The following HMCN1 variants were observed in gnomAD, a reference collection of about 807,000 sequenced individuals.
HMCN1 encodes the protein hemicentin 1, also known as hemicentin-1.
Under a neutral mutation model 625.9 loss-of-function variants are expected in HMCN1, and 321 were observed. The observed-to-expected ratio is 0.51, with a 90% CI of 0.47 to 0.56. The LOEUF is 0.56. Ranked by LOEUF, HMCN1 falls within the 20% of genes least tolerant of loss-of-function variation. The probability of loss-of-function intolerance (pLI) is 0.00; values close to 1 mark genes in which losing one functional copy is unlikely to be tolerated. For synonymous variants in HMCN1, 2,425 were observed against 2,417.6 expected (o/e 1.00, Z -0.09); for missense variants, 6,588 against 6,887.3 (o/e 0.96, Z 1.54).
intron 4 of HMCN1, among the ~76,000 whole-genome samples, chr1:185,902,247 T>G (rs1008576555): frequency 2.6e-5 from 4 of 151,550 alleles, no homozygotes; most frequent in African/African-American, 9.7e-5. Flanking sequence ...ATAAATTTTT[T>G]TTTTGTTTAG....
chr1:186,100,874 CT>C (rs1409163342), intron 68 of HMCN1, among the ~76,000 whole-genome samples: 1 of 152,124 alleles, frequency 6.6e-6, no homozygotes, highest in Admixed American at 6.6e-5. Flanking sequence ...CTGCTCACCC[CT>C]AGCATAACTA....
chr1:185,790,931 TA>T (rs1198897136), intron 1 of HMCN1, among the ~76,000 whole-genome samples: 2 of 152,236 alleles, frequency 1.3e-5, no homozygotes, highest in Non-Finnish European at 2.9e-5. Context: ...AAGCATACTT[TA>T]TTTCCATTAC....
chr1:186,038,115 C>G, intron 37 of HMCN1, 80 bp downstream of exon 37: 1 of 843,062 alleles, frequency 1.2e-6, no homozygotes, highest in Non-Finnish European at 2.1e-6. Flanking sequence ...GCATAATATA[C>G]TAATTACTAG....
intron 11 of HMCN1, among the ~76,000 whole-genome samples, chr1:185,948,931 T>C (rs1668495177): frequency 6.6e-6 from 1 of 151,024 alleles, no homozygotes; most frequent in African/African-American, 2.5e-5. Flanking sequence ...GGTGATATTG[T>C]GGGGTTGTTA....
chr1:185,989,749 G>T, intron 21 of HMCN1, 102 bp downstream of exon 21: 11 of 951,002 alleles, frequency 1.2e-5, no homozygotes, highest in Non-Finnish European at 1.4e-5. Flanking sequence ...TACCCCTAAA[G>T]TGAACTGCTC....
rs77662565 is a variant in HMCN1 at position 186,082,079 on chromosome 1, T to C, written c.8787+685T>C. On this transcript the variant is annotated intron_variant, in intron 56 of 106. Transcript: ENST00000271588. ...AATAACCTTAAATTTTCAAAGTATC[T>C]TCTAAATATTGTGACTATTTCTATG... Among the ~76,000 whole-genome samples, 655 of 152,330 alleles carry C rather than the reference T, an allele frequency of 4.3e-3. 5 individuals are homozygous for C. Among genetic ancestry groups the C allele is most frequent in the African/African-American group, 0.015 (639 of 41,588 alleles).
intron 55 of HMCN1, among the ~76,000 whole-genome samples, chr1:186,080,274 A>G (rs1050569218): frequency 6.6e-6 from 1 of 152,184 alleles, no homozygotes; most frequent in African/African-American, 2.4e-5. Context: ...AAACCCAGAT[A>G]CCACAAGATA....
At chr1:185,928,933 C>T (rs1191526563) in intron 10 of HMCN1, among the ~76,000 whole-genome samples, 1 of 151,964 alleles carries the variant, frequency 6.6e-6, no homozygotes, top group African/African-American at 2.4e-5. Context: ...CATGGGGAAA[C>T]TGTGAGGATT....
chr1:186,094,742 A>C (rs1203607172), intron 67 of HMCN1, among the ~76,000 whole-genome samples: 1 of 152,172 alleles, frequency 6.6e-6, no homozygotes, highest in Non-Finnish European at 1.5e-5. Context: ...GCATATATGC[A>C]TGTGTGTGTA....
At chr1:185,787,749 C>T (rs73062507) in intron 1 of HMCN1, among the ~76,000 whole-genome samples, 4,710 of 152,110 alleles carry the variant, frequency 0.031, 259 homozygotes, top group African/African-American at 0.11. Flanking sequence ...AACTAACATC[C>T]GTTGTGTAAT....
Position 186,119,734 on chromosome 1 carries a change from T to G in HMCN1, c.11957-11T>G, listed in dbSNP as rs1311247879. 6.2e-7 allele frequency: 1 copy of G among 1,613,224 alleles called. No individual in the cohort carries two copies. Among genetic ancestry groups the G allele is most frequent in the East Asian group, 2.2e-5 (1 of 44,858 alleles). On this transcript the variant is annotated splice_polypyrimidine_tract_variant and intron_variant, in intron 78 of 106. Coordinates refer to ENST00000271588, the MANE Select transcript of HMCN1 (RefSeq NM_031935.3). ...GCTATTACTTCTTTTTGTTGATTGG[T>G]TTTTTTATAGAGCCTCCAGTCATTC...
rs749571816 is a variant in HMCN1 at position 186,165,185 on chromosome 1, GATAA to G, written c.15319+18_15319+21del. The stretch of plus-strand genomic sequence containing the variant: ...ACCTTTTTGTGCTGGTAAGTACAGA[GATAA>G]ATAAAGGGTTTTCTTTTAATGAAAA... On this transcript the variant is annotated intron_variant, in intron 98 of 106. Transcript: ENST00000271588. 9.9e-6 allele frequency: 16 copies of G among 1,608,394 alleles called. No individual in the cohort carries two copies. Among genetic ancestry groups the G allele is most frequent in the East Asian group, 4.5e-5 (2 of 44,850 alleles).
intron 31 of HMCN1, 109 bp downstream of exon 31, chr1:186,015,546 A>G: frequency 5.8e-6 from 6 of 1,040,334 alleles, no homozygotes; most frequent in East Asian, 2.4e-5. Context: ...CTTTTTCAAT[A>G]TGCATGGATA....
intron 1 of HMCN1, among the ~76,000 whole-genome samples, chr1:185,838,647 C>G (rs1398655592): frequency 6.6e-6 from 1 of 151,882 alleles, no homozygotes; most frequent in African/African-American, 2.4e-5. Flanking sequence ...AAACACAAAT[C>G]CAAAAGAAAA....
chr1:186,114,636 C>T (rs1348206222), intron 73 of HMCN1, among the ~76,000 whole-genome samples, 183 bp from the exon 74 acceptor site: 1 of 152,116 alleles, frequency 6.6e-6, no homozygotes, highest in East Asian at 1.9e-4. Context: ...GATCACAAGC[C>T]CATCTGTTAT....
At position 186,082,960 on chromosome 1, in the gene HMCN1, T is replaced by C. The variant is rs778296701; in HGVS notation, c.8883T>C (p.His2961=). The stretch of plus-strand genomic sequence containing the variant: ...AAAAATATTTTAACCTCAATGTTCA[T>C]GGTAAGAGCTCAGTTCCAAAACCAT... ...SAKKYFNLNV[H]VPPSVIGPKS... is the part of the protein sequence containing the mutation. The change falls in exon 57 of 107, where the codon CAT becomes CAC. Residue 2961 remains histidine, a splice_region_variant and synonymous_variant. Coordinates refer to ENST00000271588, the MANE Select transcript of HMCN1 (RefSeq NM_031935.3). 1.9e-6 allele frequency: 3 copies of C among 1,573,378 alleles called. No homozygotes were observed. The highest frequency in any genetic ancestry group is 1.2e-5 in the South Asian group (1 of 86,192).
intron 1 of HMCN1, among the ~76,000 whole-genome samples, chr1:185,843,263 G>C (rs971466501): frequency 2.0e-5 from 3 of 152,120 alleles, no homozygotes; most frequent in African/African-American, 7.2e-5. Flanking sequence ...TAGAGAAAAG[G>C]CAAAACATTA....
intron 1 of HMCN1, among the ~76,000 whole-genome samples, chr1:185,793,302 C>T (rs1364320698): frequency 6.6e-6 from 1 of 152,132 alleles, no homozygotes; most frequent in Non-Finnish European, 1.5e-5. Flanking sequence ...AAATCCATGT[C>T]CTTGCCTTTC....
intron 41 of HMCN1, among the ~76,000 whole-genome samples, chr1:186,046,288 G>A (rs1656567473): frequency 6.6e-6 from 1 of 152,076 alleles, no homozygotes. Flanking sequence ...AGCCAACATG[G>A]TGAAACCCTG....
Sources: gnomAD v4.1 joint callset for allele counts (sites outside exome capture counted in the v4.1 genomes callset) on GRCh38, gnomAD v4.1.1 for gene constraint, MANE v1.5 for transcripts, NCBI Gene and HGNC (gene_info 2026-07-23, HGNC 2026-07-21) for gene names.